The following PCNX2 variants were observed in gnomAD, a reference collection of about 807,000 sequenced individuals.
PCNX2 encodes the protein pecanex-like protein 2.
Under a neutral mutation model 223.8 loss-of-function variants are expected in PCNX2, and 168 were observed. The observed-to-expected ratio is 0.75, with a 90% CI of 0.66 to 0.85. PCNX2 has a LOEUF of 0.85. PCNX2 is among the 40% of genes least tolerant of loss of function. PCNX2 has a pLI of 0.00. For synonymous variants in PCNX2, 1,006 were observed against 1,052.6 expected, an observed-to-expected ratio of 0.96 and a Z score of 0.86; for missense variants, 2,507 against 2,675.5, an observed-to-expected ratio of 0.94 and a Z score of 1.39.
At chr1:233,018,398 C>A (rs1165862473) in intron 26 of PCNX2, among the ~76,000 whole-genome samples, 1 of 152,100 alleles carries the variant, frequency 6.6e-6, no homozygotes, top group Non-Finnish European at 1.5e-5. Context: ...TCCTGAGTGC[C>A]CAGACAGTGG....
intron 19 of PCNX2, among the ~76,000 whole-genome samples, chr1:233,149,461 G>A (rs1362237821): frequency 7.2e-6 from 1 of 139,560 alleles, no homozygotes; most frequent in Non-Finnish European, 1.5e-5. Flanking sequence ...CATTTCAGTG[G>A]GGGTGAGGCT....
In PCNX2 at chr1:232,990,741, C is replaced by A. The variant is rs77832230; in HGVS notation, c.5792-4201G>T. ...CCAGGAAGCTGTGGAGACAGGAGCA[C>A]GTCAACCAGCTCCCACCCACTCCTG... On this transcript the variant is annotated intron_variant, in intron 32 of 33. Coordinates refer to ENST00000258229, the MANE Select transcript of PCNX2 (RefSeq NM_014801.4). This position sits in a 1 kb window ranked among gnomAD's most constrained non-coding sequence, Gnocchi z 4.3. 6.6e-6 allele frequency among the ~76,000 whole-genome samples: 1 copy of A among 152,146 alleles called. No individual in the cohort carries two copies. The highest frequency in any genetic ancestry group is 1.9e-4 in the East Asian group (1 of 5,188).
chr1:233,261,948 T>C (rs1455262324), intron 3 of PCNX2, 97 bp downstream of exon 3: 1 of 1,538,800 alleles, frequency 6.5e-7, no homozygotes, highest in Non-Finnish European at 8.9e-7. Context: ...GATTACAGCA[T>C]GCAAGCTACA....
chr1:233,235,749 G>A (rs1658347031), intron 9 of PCNX2, among the ~76,000 whole-genome samples: 1 of 151,696 alleles, frequency 6.6e-6, no homozygotes, highest in African/African-American at 2.4e-5. Context: ...CTACAGGCAC[G>A]TGCCACCATG....
chr1:233,025,292 TG>T lies in PCNX2; in HGVS notation c.4458del (p.Cys1486Ter). On this transcript the variant is annotated frameshift_variant, in exon 26 of 34. Transcript: ENST00000258229. LOFTEE classifies it high-confidence loss of function. ...AGCCAGCGGAGGTGAAAGGCAGCGTTGCAGGACAGCAGGTGAGGCAAGTGGC... is the reference window on the plus strand; with the variant it reads ...AGCCAGCGGAGGTGAAAGGCAGCGTTCAGGACAGCAGGTGAGGCAAGTGGC... ...KPGHLPHLLS[C>X]NAAFHLRWLT... 6.2e-7 allele frequency: 1 copy of T among 1,614,014 alleles called. No individual in the cohort carries two copies. Among genetic ancestry groups the T allele is most frequent in the Non-Finnish European group, 8.5e-7 (1 of 1,179,882 alleles).
At chr1:233,088,795 C>T (rs55806274) in intron 23 of PCNX2, among the ~76,000 whole-genome samples, 13,879 of 152,236 alleles carry the variant, frequency 0.091, 693 homozygotes, top group East Asian at 0.15. Context: ...CAAGCTGGGA[C>T]AGGAACCTCC....
At chr1:233,005,667 C>T (rs1051876611) in intron 28 of PCNX2, among the ~76,000 whole-genome samples, 23 of 152,180 alleles carry the variant, frequency 1.5e-4, no homozygotes, top group African/African-American at 5.5e-4. Context: ...GGCTTTTTTC[C>T]CCCTGAGAGA....
chr1:233,016,512 T>A (rs1394413870), intron 27 of PCNX2, among the ~76,000 whole-genome samples: 3 of 152,154 alleles, frequency 2.0e-5, no homozygotes, highest in African/African-American at 7.2e-5. Flanking sequence ...ATGACAGAAG[T>A]TAAGTTGGAC....
chr1:232,987,843 T>G (rs1237734455), intron 32 of PCNX2, among the ~76,000 whole-genome samples: 3 of 152,212 alleles, frequency 2.0e-5, no homozygotes, highest in Admixed American at 2.0e-4. Context: ...GCTGTGATGG[T>G]CGAGTGCCCA....
intron 31 of PCNX2, 45 bp downstream of exon 31, chr1:232,999,060 C>T: frequency 6.5e-7 from 1 of 1,547,274 alleles, no homozygotes; most frequent in Non-Finnish European, 8.7e-7. Flanking sequence ...ATCCCCCACA[C>T]CTTCCCCCAG....
intron 1 of PCNX2, among the ~76,000 whole-genome samples, chr1:233,266,372 T>G (rs1329404881): frequency 6.6e-6 from 1 of 152,098 alleles, no homozygotes; most frequent in East Asian, 1.9e-4. Flanking sequence ...TTAATACCTC[T>G]CCCTTCAGTA....
At chr1:233,190,237 CAA>C (rs1267671527) in intron 15 of PCNX2, among the ~76,000 whole-genome samples, 1 of 152,048 alleles carries the variant, frequency 6.6e-6, no homozygotes, top group Non-Finnish European at 1.5e-5. Flanking sequence ...TCCAGCAATG[CAA>C]AGAGTAAGCA....
rs1167653582 is a variant in PCNX2 at position 233,274,697 on chromosome 1, G to A, written c.154-11534C>T. Among the ~76,000 whole-genome samples, 3 of 152,176 alleles carry A rather than the reference G, an allele frequency of 2.0e-5. No homozygotes were observed. The South Asian group carries it at 6.2e-4, about 32-fold the overall frequency. On this transcript the variant is annotated intron_variant, in intron 1 of 33. Transcript: ENST00000258229. Reference sequence around the variant, plus strand: ...ATTTGAAAACTATAAAGCATGCTGAGAAAAGCCAGGCAGAGGAAACAGCAT... The same window carrying A: ...ATTTGAAAACTATAAAGCATGCTGAAAAAAGCCAGGCAGAGGAAACAGCAT...
At position 233,095,876 on chromosome 1, in the gene PCNX2, G is replaced by T; in HGVS notation, c.3838-13C>A. On this transcript the variant is annotated splice_polypyrimidine_tract_variant and intron_variant, in intron 21 of 33. Transcript: ENST00000258229. ...GCAGGTCCCCGAGCTGAAAGTAAAA[G>T]AAAAAAAATTCATCAGAGAGGACAA... is the stretch of plus-strand genomic sequence containing the variant. 3.2e-6 allele frequency: 5 copies of T among 1,562,316 alleles called. No individual in the cohort carries two copies. Among genetic ancestry groups the T allele is most frequent in the Non-Finnish European group, 4.4e-6 (5 of 1,145,654 alleles).
chr1:233,109,628 AC>A (rs1294778932), intron 21 of PCNX2, among the ~76,000 whole-genome samples: 2 of 152,256 alleles, frequency 1.3e-5, no homozygotes, highest in Non-Finnish European at 2.9e-5. Context: ...GCCCACACTG[AC>A]ACACAAAAAT....
At position 233,177,821 on chromosome 1, in the gene PCNX2, T is replaced by C. The variant is rs766881392; in HGVS notation, c.3254A>G (p.Lys1085Arg). 154 of 1,613,554 alleles carry C rather than the reference T, an allele frequency of 9.5e-5. No homozygotes were observed. The highest frequency in any genetic ancestry group is 1.2e-4 in the Non-Finnish European group (144 of 1,179,612). The change falls in exon 17 of 34, where the codon AAG (lysine) becomes AGG (arginine). Residue 1085 changes from lysine (K) to arginine (R), a missense_variant. Coordinates refer to ENST00000258229, the MANE Select transcript of PCNX2 (RefSeq NM_014801.4). ...LAESAADPLP[K>R]KMKDSVTDVL... Reference sequence around the variant, plus strand: ...TCTCACCACTGAATCTTTCATCTTCTTGGGGAGAGGGTCAGCAGCTGACTC... The same window carrying C: ...TCTCACCACTGAATCTTTCATCTTCCTGGGGAGAGGGTCAGCAGCTGACTC...
At chr1:233,023,514 G>A (rs1007664930) in intron 26 of PCNX2, among the ~76,000 whole-genome samples, 4 of 152,164 alleles carry the variant, frequency 2.6e-5, no homozygotes, top group African/African-American at 9.7e-5. Context: ...AATTTTGGAA[G>A]CTACCATACC....
At chr1:233,220,415 G>A (rs968101955) in intron 10 of PCNX2, among the ~76,000 whole-genome samples, 7 of 152,210 alleles carry the variant, frequency 4.6e-5, no homozygotes, top group South Asian at 2.1e-4. Context: ...GTGAATGAGC[G>A]TTCCCGTTGC....
chr1:233,148,404 G>T (rs187417626), intron 19 of PCNX2, among the ~76,000 whole-genome samples: 114 of 151,732 alleles, frequency 7.5e-4, no homozygotes, highest in African/African-American at 2.5e-3. Flanking sequence ...ATATTGACAG[G>T]ATATTAATTT....
Sources: allele counts gnomAD v4.1 joint callset (sites outside exome capture counted in the v4.1 genomes callset), GRCh38; gene constraint gnomAD v4.1.1; non-coding constraint Gnocchi (gnomAD v3.1); transcripts MANE v1.5; gene names NCBI Gene and HGNC (gene_info 2026-07-23, HGNC 2026-07-21).